Variants in NTRK3 observed in about 807,000 individuals in gnomAD.
NTRK3 encodes neurotrophic receptor tyrosine kinase 3.
A neutral mutation model predicts 91.7 loss-of-function variants in NTRK3; 24 were observed. The observed-to-expected ratio is 0.26, with a 90% CI of 0.19 to 0.37. The LOEUF (loss-of-function observed/expected upper bound fraction) is 0.37, where lower values mean the gene tolerates loss of function less well. NTRK3 is among the 10% of genes least tolerant of loss of function. The probability of loss-of-function intolerance (pLI) is 1.00; values close to 1 mark genes in which losing one functional copy is unlikely to be tolerated. For synonymous variants in NTRK3, 483 were observed against 404.0 expected (o/e 1.20, Z -2.34); for missense variants, 880 against 1,068.9 (o/e 0.82, Z 2.46).
intron 13 of NTRK3, among the ~76,000 whole-genome samples, chr15:88,088,890 C>A (rs752827222): frequency 1.3e-5 from 2 of 152,146 alleles, no homozygotes; most frequent in African/African-American, 4.8e-5. Context: ...ACCTCTCTGA[C>A]CTTCAGTGTC....
intron 14 of NTRK3, among the ~76,000 whole-genome samples, chr15:87,945,506 C>T (rs745863055): frequency 3.9e-5 from 6 of 152,184 alleles, no homozygotes; most frequent in Non-Finnish European, 7.3e-5. Context: ...GGTAACTGGT[C>T]ACCTCTGGAC....
chr15:88,105,705 A>C (rs1376352665), intron 13 of NTRK3, among the ~76,000 whole-genome samples: 2 of 152,122 alleles, frequency 1.3e-5, no homozygotes, highest in East Asian at 3.9e-4. Flanking sequence ...ATACACACAC[A>C]CACACACCCC....
At position 87,973,697 on chromosome 15, in the gene NTRK3, G is replaced by A. The variant is rs1055493252; in HGVS notation, c.1586-32944C>T. ...AGAGGAGGAGGAGAGCTCCAGGCCC[G>A]TGCTGGACAGTCTAGATGGAAGCCA... On this transcript the variant is annotated intron_variant, in intron 14 of 18. Transcript: ENST00000394480. 7.9e-5 allele frequency among the ~76,000 whole-genome samples: 12 copies of A among 152,070 alleles called. No individual in the cohort carries two copies. In the South Asian group the frequency reaches 1.0e-3, roughly 13 times the overall value.
At chr15:87,872,324 GA>G in exon 19 of NTRK3, 1 of 223,126 alleles carries the variant, frequency 4.5e-6, no homozygotes, top group Non-Finnish European at 9.0e-6. Flanking sequence ...GTTTGGTTTG[GA>G]AAAGGGGAAC....
chr15:88,089,650 C>T (rs937405376), intron 13 of NTRK3, among the ~76,000 whole-genome samples: 1 of 152,184 alleles, frequency 6.6e-6, no homozygotes, highest in Non-Finnish European at 1.5e-5. Context: ...AAGATGCTCC[C>T]CTTGCATGGA....
At chr15:87,976,904 C>G (rs1279601525) in intron 14 of NTRK3, among the ~76,000 whole-genome samples, 1 of 152,136 alleles carries the variant, frequency 6.6e-6, no homozygotes, top group East Asian at 1.9e-4. Context: ...GCTGGTGCAC[C>G]AAAGATAAAG....
In NTRK3 at chr15:88,104,705, C is replaced by A. The variant is rs1057398865; in HGVS notation, c.1396+21566G>T. On this transcript the variant is annotated intron_variant, in intron 13 of 18. Coordinates refer to ENST00000394480, the Ensembl canonical transcript of NTRK3. Reference sequence around the variant, plus strand: ...CATGCTCTCTTGTCTCTTCCTACTGCCAATCCTGTGTGCTGAGCTCAAGGA... The same window carrying A: ...CATGCTCTCTTGTCTCTTCCTACTGACAATCCTGTGTGCTGAGCTCAAGGA... Among the ~76,000 whole-genome samples, 5 of 152,178 alleles carry A rather than the reference C, an allele frequency of 3.3e-5. No homozygotes were observed. In the South Asian group the frequency reaches 6.2e-4, roughly 19 times the overall value.
chr15:88,065,922 C>A (rs1241748156), intron 13 of NTRK3, among the ~76,000 whole-genome samples: 6 of 152,076 alleles, frequency 3.9e-5, no homozygotes, highest in Non-Finnish European at 7.3e-5. Context: ...AAAGAGAGAC[C>A]TTGATTTACA....
At chr15:88,256,397 C>G (rs980285337) in exon 2 of NTRK3, 4 of 600,230 alleles carry the variant, frequency 6.7e-6, no homozygotes, top group Non-Finnish European at 1.2e-5. Flanking sequence ...CCTAGTGGCG[C>G]GGTCTGCCGG....
chr15:88,158,889 T>G (rs555559982), intron 5 of NTRK3, among the ~76,000 whole-genome samples: 1 of 151,828 alleles, frequency 6.6e-6, no homozygotes, highest in South Asian at 2.1e-4. Flanking sequence ...AGAGCTGTCA[T>G]GACAAGAGAA....
intron 14 of NTRK3, among the ~76,000 whole-genome samples, chr15:88,012,765 C>T (rs1428627398): frequency 2.0e-5 from 3 of 152,176 alleles, no homozygotes; most frequent in Non-Finnish European, 2.9e-5. Context: ...GAAACTACAC[C>T]AATATCTTAT....
chr15:88,070,299 G>A (rs2142694284), intron 13 of NTRK3, among the ~76,000 whole-genome samples: 1 of 152,180 alleles, frequency 6.6e-6, no homozygotes, highest in Middle Eastern at 3.4e-3. Context: ...ACCAGAGACA[G>A]CAAGAGCCCT....
intron 3 of NTRK3, among the ~76,000 whole-genome samples, chr15:88,211,882 A>G (rs767981350): frequency 4.6e-5 from 7 of 152,250 alleles, no homozygotes; most frequent in Non-Finnish European, 7.3e-5. Flanking sequence ...ATGTTCTTCA[A>G]ATGAGTGGTT....
intron 13 of NTRK3, among the ~76,000 whole-genome samples, chr15:88,054,216 G>A (rs1236310994): frequency 1.3e-5 from 2 of 152,162 alleles, no homozygotes; most frequent in East Asian, 1.9e-4. Flanking sequence ...TGCCTATTGC[G>A]AGCAAACCAT....
intron 3 of NTRK3, among the ~76,000 whole-genome samples, chr15:88,238,716 A>C (rs2052036287): frequency 6.6e-6 from 1 of 152,280 alleles, no homozygotes; most frequent in Non-Finnish European, 1.5e-5. Flanking sequence ...TACCACACAG[A>C]GAACAAGGTT....
rs1414103604 is a variant in NTRK3 at position 88,085,060 on chromosome 15, G to A, written c.1396+41211C>T. Among the ~76,000 whole-genome samples the A allele has an allele frequency of 2.0e-5, 3 of 152,316 alleles. No homozygotes were observed. In the East Asian group the frequency reaches 5.8e-4, roughly 29 times the overall value. On this transcript the variant is annotated intron_variant, in intron 13 of 18. Coordinates refer to ENST00000394480, the Ensembl canonical transcript of NTRK3. ...GGTTAACCAATTCCCAGGGTCAAAA[G>A]AGTAGAAAACAAGATAGCCAATGTC...
At chr15:88,016,123 G>A (rs2077218614) in intron 14 of NTRK3, among the ~76,000 whole-genome samples, 1 of 152,098 alleles carries the variant, frequency 6.6e-6, no homozygotes, top group African/African-American at 2.4e-5. Flanking sequence ...GGTGGCATTA[G>A]GGATGATTCT....
At chr15:87,938,612 C>T (rs1221550993) in intron 15 of NTRK3, among the ~76,000 whole-genome samples, 1 of 152,210 alleles carries the variant, frequency 6.6e-6, no homozygotes, top group African/African-American at 2.4e-5. Flanking sequence ...GGTACTGCCC[C>T]TTAATGCCAG....
At chr15:88,189,976 C>T (rs547880615) in intron 3 of NTRK3, among the ~76,000 whole-genome samples, 6 of 152,116 alleles carry the variant, frequency 3.9e-5, no homozygotes, top group Non-Finnish European at 5.9e-5. Flanking sequence ...AACACAAAGA[C>T]GCCCACCACC....
Sources: gnomAD v4.1 joint callset for allele counts (sites outside exome capture counted in the v4.1 genomes callset) on GRCh38, gnomAD v4.1.1 for gene constraint, MANE v1.5 for transcripts, NCBI Gene and HGNC (gene_info 2026-07-23, HGNC 2026-07-21) for gene names.